GRIP1: variants seen among roughly 807,000 people sequenced by gnomAD.
GRIP1 encodes glutamate receptor-interacting protein 1.
Under a neutral mutation model 129.9 loss-of-function variants are expected in GRIP1, and 45 were observed. The observed-to-expected ratio is 0.35, with a 90% confidence interval of 0.27 to 0.44. The LOEUF is 0.44. GRIP1 is among the 20% of genes least tolerant of loss of function. The probability of loss-of-function intolerance (pLI) is 1.00; values close to 1 mark genes in which losing one functional copy is unlikely to be tolerated. For synonymous variants in GRIP1, 530 were observed against 520.8 expected, an observed-to-expected ratio of 1.02 and a Z score of -0.24; for missense variants, 1,196 against 1,396.8, an observed-to-expected ratio of 0.86 and a Z score of 2.29.
chr12:66,371,106 C>T (rs1397020002), intron 23 of GRIP1, among the ~76,000 whole-genome samples: 1 of 151,970 alleles, frequency 6.6e-6, no homozygotes, highest in Non-Finnish European at 1.5e-5. Context: ...TATGCAAGCT[C>T]CGTGTGACAT....
intron 1 of GRIP1, among the ~76,000 whole-genome samples, chr12:66,646,980 G>A (rs545398955): frequency 4.6e-5 from 7 of 152,310 alleles, no homozygotes; most frequent in Non-Finnish European, 7.3e-5. Context: ...GCTACAATTA[G>A]TACCCTCATT....
intron 1 of GRIP1, among the ~76,000 whole-genome samples, chr12:66,845,289 T>C (rs1003046567): frequency 1.3e-5 from 2 of 151,996 alleles, no homozygotes; most frequent in Non-Finnish European, 2.9e-5. Context: ...AAACCCCAAC[T>C]CTACTAAAAA....
chr12:66,902,331 T>C (rs2040856820), intron 1 of GRIP1, among the ~76,000 whole-genome samples: 1 of 152,212 alleles, frequency 6.6e-6, no homozygotes, highest in Admixed American at 6.5e-5. Context: ...GCCAATCATA[T>C]CACCAACATG....
At chr12:66,643,126 G>A (rs1410079091) in intron 1 of GRIP1, among the ~76,000 whole-genome samples, 1 of 152,192 alleles carries the variant, frequency 6.6e-6, no homozygotes, top group African/African-American at 2.4e-5. Context: ...GAGATTATGG[G>A]GAAATAAGGA....
At position 67,017,228 on chromosome 12, in the gene GRIP1, C is replaced by G. The variant is rs148876641; in HGVS notation, c.58+51822G>C. Among the ~76,000 whole-genome samples, 336 of 151,992 alleles carry G rather than the reference C, an allele frequency of 2.2e-3. 1 individual carries two copies. The highest frequency in any genetic ancestry group is 7.8e-3 in the African/African-American group (323 of 41,488). ...AAAGATTGTTCCTGAATAGAAGAATCAGGGAGAGACTCATGAATAGTTATC... is the reference window on the plus strand; with the variant it reads ...AAAGATTGTTCCTGAATAGAAGAATGAGGGAGAGACTCATGAATAGTTATC... On this transcript the variant is annotated intron_variant, in intron 1 of 1. Transcript: ENST00000643019.
intron 1 of GRIP1, among the ~76,000 whole-genome samples, chr12:66,835,728 T>A (rs1231245774): frequency 6.6e-6 from 1 of 152,078 alleles, no homozygotes; most frequent in Non-Finnish European, 1.5e-5. Flanking sequence ...AAAAGAACAG[T>A]GATTGTTGGG....
intron 2 of GRIP1, among the ~76,000 whole-genome samples, chr12:66,562,461 T>C (rs945357420): frequency 6.6e-6 from 1 of 152,212 alleles, no homozygotes; most frequent in African/African-American, 2.4e-5. Context: ...GAAAAATTAC[T>C]TTATGAAGCT....
intron 7 of GRIP1, among the ~76,000 whole-genome samples, chr12:66,494,831 T>C (rs1353217171): frequency 1.3e-5 from 2 of 152,010 alleles, no homozygotes; most frequent in African/African-American, 4.8e-5. Flanking sequence ...CAATGAGCTA[T>C]GATTGCACCA....
In GRIP1 at chr12:66,977,253, T is replaced by A. The variant is rs978634215; in HGVS notation, c.58+91797A>T. Among the ~76,000 whole-genome samples, 9 of 151,774 alleles carry A rather than the reference T, an allele frequency of 5.9e-5. No homozygotes were observed. In the South Asian group the frequency reaches 1.0e-3, roughly 17 times the overall value. ...TGCATTTCTTTTTTTTCTTTTTTTT[T>A]ATTATTATTATACTTTAAGTTTTAG... is the stretch of plus-strand genomic sequence containing the variant. On this transcript the variant is annotated intron_variant, in intron 1 of 1. Coordinates refer to the GRIP1 transcript ENST00000643019.
chr12:66,630,422 G>T (rs2030636605), intron 1 of GRIP1: 1 of 152,020 alleles, frequency 6.6e-6, no homozygotes, highest in East Asian at 1.9e-4. Context: ...TTTTCCTCTG[G>T]TCTCTTCCCT....
At chr12:66,955,424 C>T (rs1592388776) in intron 1 of GRIP1, among the ~76,000 whole-genome samples, 1 of 151,852 alleles carries the variant, frequency 6.6e-6, no homozygotes, top group Non-Finnish European at 1.5e-5. Flanking sequence ...AATAATAGCA[C>T]CTTCATCCAA....
intron 23 of GRIP1, among the ~76,000 whole-genome samples, chr12:66,355,477 T>C (rs565396134): frequency 6.6e-6 from 1 of 152,072 alleles, no homozygotes; most frequent in African/African-American, 2.4e-5. Context: ...AGGGATAGAG[T>C]AGTAAGCCCC....
intron 1 of GRIP1, among the ~76,000 whole-genome samples, chr12:66,861,983 A>G (rs1370756096): frequency 2.0e-5 from 3 of 152,138 alleles, no homozygotes; most frequent in Admixed American, 1.3e-4. Flanking sequence ...TCTAGTCACA[A>G]GAACAGATCA....
chr12:66,853,175 T>C (rs2039943604), intron 1 of GRIP1, among the ~76,000 whole-genome samples: 1 of 151,694 alleles, frequency 6.6e-6, no homozygotes, highest in Non-Finnish European at 1.5e-5. Context: ...TTTCTTTATA[T>C]GAACACCAGG....
intron 1 of GRIP1, among the ~76,000 whole-genome samples, chr12:67,060,892 G>A (rs943205217): frequency 2.0e-5 from 3 of 151,120 alleles, no homozygotes; most frequent in Admixed American, 6.6e-5. Flanking sequence ...CCTTCAAAAG[G>A]TTCCAAACAT....
intron 4 of GRIP1, among the ~76,000 whole-genome samples, chr12:66,534,118 C>T (rs548151357): frequency 5.3e-5 from 8 of 152,224 alleles, no homozygotes; most frequent in South Asian, 2.1e-4. Context: ...CTCAAGTATC[C>T]GATTACTTTC....
chr12:66,512,774 A>G (rs1031658560), intron 7 of GRIP1, among the ~76,000 whole-genome samples: 1 of 152,076 alleles, frequency 6.6e-6, no homozygotes, highest in African/African-American at 2.4e-5. Context: ...CAAATCAGAT[A>G]TATTAAAAAT....
intron 1 of GRIP1, among the ~76,000 whole-genome samples, chr12:66,703,352 C>T (rs2035415440): frequency 2.6e-5 from 4 of 152,020 alleles, no homozygotes; most frequent in African/African-American, 9.7e-5. Context: ...AAGTCATGAA[C>T]TTCAGAAAGA....
intron 1 of GRIP1, among the ~76,000 whole-genome samples, chr12:66,723,227 TC>T (rs60387782): frequency 0.045 from 3,440 of 76,380 alleles, 278 homozygotes; most frequent in Middle Eastern, 0.095. Context: ...TCTTTCTTTC[TC>T]TCTCTCTCTC....
Sources: allele counts gnomAD v4.1 joint callset (sites outside exome capture counted in the v4.1 genomes callset), GRCh38; gene constraint gnomAD v4.1.1; transcripts MANE v1.5; gene names NCBI Gene and HGNC (gene_info 2026-07-23, HGNC 2026-07-21).